Variants in RNF145 observed in about 807,000 individuals in gnomAD.
RNF145 encodes ring finger protein 145.
In RNF145, 12 loss-of-function variants were observed where a neutral mutation model predicts 57.3. That is an observed-to-expected ratio of 0.21 (90% CI 0.13 to 0.34). The LOEUF (loss-of-function observed/expected upper bound fraction) is 0.34, where lower values mean the gene tolerates loss of function less well. Among genes scored for constraint, RNF145 ranks in the 10% least tolerant of loss-of-function variants. The probability of loss-of-function intolerance (pLI) is 1.00; values close to 1 mark genes in which losing one functional copy is unlikely to be tolerated. For missense variants in RNF145, 429 were observed against 799.0 expected (o/e 0.54, Z 5.58); for synonymous variants, 262 against 288.3 (o/e 0.91, Z 0.92).
At chr5:159,188,280 G>A (rs900145113) in intron 3 of RNF145, among the ~76,000 whole-genome samples, 19 of 151,982 alleles carry the variant, frequency 1.3e-4, no homozygotes, top group East Asian at 5.8e-4. Context: ...CCAGCTACTC[G>A]GGAGGCTGAG....
At chr5:159,200,850 T>G (rs1360781424) in intron 2 of RNF145, among the ~76,000 whole-genome samples, 1 of 152,206 alleles carries the variant, frequency 6.6e-6, no homozygotes, top group Non-Finnish European at 1.5e-5. Context: ...AGGTTTTTCT[T>G]AAGTATGTGT....
chr5:159,164,102 C>A lies in RNF145; in HGVS notation c.1122-1023G>T, dbSNP rs143213628. On this transcript the variant is annotated intron_variant, in intron 8 of 10. Coordinates refer to ENST00000424310, the MANE Select transcript of RNF145 (RefSeq NM_001199383.2). ...TAATATAGTCAGGAAGTAAAAGTTA[C>A]CACACACAAGGTCAAATGCTATACA... Among the ~76,000 whole-genome samples, 1,349 of 152,186 alleles carry A rather than the reference C, an allele frequency of 8.9e-3. 21 individuals are homozygous for A. The highest frequency in any genetic ancestry group is 0.057 in the South Asian group (274 of 4,820).
At chr5:159,177,400 A>T (rs1292522844) in intron 4 of RNF145, among the ~76,000 whole-genome samples, 2 of 152,098 alleles carry the variant, frequency 1.3e-5, no homozygotes, top group Non-Finnish European at 2.9e-5. Context: ...AAAACTAAAT[A>T]AATTCTTCTC....
rs111960053 is a variant in RNF145, at chr5:159,183,186, T to C, written c.294-1135A>G. 2.8e-3 allele frequency among the ~76,000 whole-genome samples: 430 copies of C among 152,316 alleles called. 3 individuals are homozygous for C. Among genetic ancestry groups the C allele is most frequent in the African/African-American group, 9.7e-3 (404 of 41,570 alleles). On this transcript the variant is annotated intron_variant, in intron 3 of 10. Transcript: ENST00000424310. ...CTCCTTTATCACTCTTAGATGATGG[T>C]TTCTAACACATAATGTATTAATTGT...
chr5:159,158,568 T>G lies in RNF145; in HGVS notation c.*102A>C. 7.1e-7 allele frequency: 1 copy of G among 1,399,302 alleles called. No homozygotes were observed. Among genetic ancestry groups the G allele is most frequent in the African/African-American group, 1.4e-5 (1 of 69,952 alleles). 86.7% of individuals were successfully genotyped at this position (1,399,302 alleles called of 1,614,324 possible). On this transcript the variant is annotated 3_prime_UTR_variant, in exon 11 of 11. Coordinates refer to ENST00000424310, the MANE Select transcript of RNF145 (RefSeq NM_001199383.2). Reference sequence around the variant, plus strand: ...TTAGATCCTTGGAATGTCAGTTTCCTGCCTGATCATCTCATTTTCATTCCT... The same window carrying G: ...TTAGATCCTTGGAATGTCAGTTTCCGGCCTGATCATCTCATTTTCATTCCT...
intron 3 of RNF145, among the ~76,000 whole-genome samples, chr5:159,193,087 T>C (rs562947167): frequency 6.6e-6 from 1 of 152,318 alleles, no homozygotes; most frequent in Non-Finnish European, 1.5e-5. Flanking sequence ...CTTGGACTCC[T>C]AGTTTGGCTC....
chr5:159,187,952 C>G (rs1489403051), intron 3 of RNF145, among the ~76,000 whole-genome samples: 2 of 152,202 alleles, frequency 1.3e-5, no homozygotes, highest in Non-Finnish European at 2.9e-5. Flanking sequence ...TGAAACCGTA[C>G]TTACACACCG....
chr5:159,176,930 CAAAA>C (rs1158494233), intron 4 of RNF145, 63 bp from the exon 5 acceptor site: 3 of 908,710 alleles, frequency 3.3e-6, no homozygotes, highest in African/African-American at 3.4e-5. Context: ...TAAAAACAAA[CAAAA>C]AACACTGTTG....
intron 1 of RNF145, among the ~76,000 whole-genome samples, chr5:159,205,505 T>C (rs1043049167): frequency 6.6e-6 from 1 of 152,232 alleles, no homozygotes; most frequent in African/African-American, 2.4e-5. Context: ...TTTTAATGTG[T>C]ATAAGCCATC....
At chr5:159,207,424 A>G (rs916361273) in intron 1 of RNF145, 5 of 1,194,266 alleles carry the variant, frequency 4.2e-6, no homozygotes, top group Non-Finnish European at 6.0e-6. Flanking sequence ...TATTCAGTAC[A>G]ATACTTCTAC....
At chr5:159,171,430 C>T (rs969228553) in intron 6 of RNF145, among the ~76,000 whole-genome samples, 5 of 151,930 alleles carry the variant, frequency 3.3e-5, no homozygotes, top group Non-Finnish European at 7.4e-5. Context: ...GATTTAATTA[C>T]GTATTCAAAC....
chr5:159,169,813 C>T lies in RNF145; in HGVS notation c.804G>A (p.Ala268=), dbSNP rs5016135. 267 of 1,595,944 alleles carry T rather than the reference C, an allele frequency of 1.7e-4. 3 individuals are homozygous for T. The highest frequency in any genetic ancestry group is 1.0e-3 in the Middle Eastern group (6 of 5,972). ...GAGAGTAAGGAGTGCTGCAGCATTC[C>T]GCAATACTGGAAAAAAAGAGGGGGA... The part of the protein sequence containing the change: ...RLLFLFLTSI[A]ECCSTPYSLL... Residue 268 remains alanine (A), a synonymous_variant, in exon 7 of 11, where the codon GCG becomes GCA. Transcript: ENST00000424310.
chr5:159,169,339 A>C (rs1176407304), intron 7 of RNF145, among the ~76,000 whole-genome samples: 2 of 152,214 alleles, frequency 1.3e-5, no homozygotes, highest in Non-Finnish European at 2.9e-5. Flanking sequence ...AGATTCTGTA[A>C]ATGAGCCAGA....
intron 2 of RNF145, among the ~76,000 whole-genome samples, chr5:159,198,711 A>T (rs1323473770): frequency 6.6e-6 from 1 of 152,212 alleles, no homozygotes; most frequent in Non-Finnish European, 1.5e-5. Flanking sequence ...GGAAATGTCT[A>T]AGAAGTAATT....
At chr5:159,162,589 C>T (rs1312957000) in intron 9 of RNF145, among the ~76,000 whole-genome samples, 2 of 151,638 alleles carry the variant, frequency 1.3e-5, no homozygotes, top group African/African-American at 2.4e-5. Context: ...CGCCCGCCAC[C>T]GCGCCCGGCT....
intron 4 of RNF145, among the ~76,000 whole-genome samples, chr5:159,179,237 C>CT (rs1479937707): frequency 1.3e-5 from 2 of 152,020 alleles, no homozygotes; most frequent in African/African-American, 2.4e-5. Flanking sequence ...ACTACTCCTG[C>CT]TGACGTAAAA....
At chr5:159,194,188 A>G (rs1785377919) in intron 3 of RNF145, among the ~76,000 whole-genome samples, 1 of 152,220 alleles carries the variant, frequency 6.6e-6, no homozygotes, top group Non-Finnish European at 1.5e-5. Flanking sequence ...TACACATCAT[A>G]AATTGATTTC....
At chr5:159,171,982 T>C (rs1458969848) in intron 6 of RNF145, among the ~76,000 whole-genome samples, 1 of 152,204 alleles carries the variant, frequency 6.6e-6, no homozygotes, top group African/African-American at 2.4e-5. Context: ...AATATCCGAA[T>C]ATTATTTTCT....
At chr5:159,169,574 CAATTCCATTTCTTCTAA>C (rs1285547164) in intron 7 of RNF145, 88 bp downstream of exon 7, 46 of 957,004 alleles carry the variant, frequency 4.8e-5, no homozygotes, top group Admixed American at 9.9e-5. Context: ...AAAACCTCTC[CAATTCCATTTCTTCTAA>C]AATTCATCAG....
Sources: allele counts gnomAD v4.1 joint callset (sites outside exome capture counted in the v4.1 genomes callset), GRCh38; gene constraint gnomAD v4.1.1; transcripts MANE v1.5; gene names NCBI Gene and HGNC (gene_info 2026-07-23, HGNC 2026-07-21).